ARHGAP10: variants seen among roughly 807,000 people sequenced by gnomAD.
ARHGAP10 encodes rho GTPase-activating protein 10.
ARHGAP10 carries 87 observed loss-of-function variants against 108.6 expected under a neutral mutation model. The observed-to-expected ratio is 0.80, with a 90% CI of 0.67 to 0.96. The LOEUF (loss-of-function observed/expected upper bound fraction) is 0.96. Among genes scored for constraint, ARHGAP10 ranks in the 40% least tolerant of loss-of-function variants. The probability of loss-of-function intolerance (pLI) is 0.00; values close to 1 mark genes in which losing one functional copy is unlikely to be tolerated. For synonymous variants in ARHGAP10, 347 were observed against 341.1 expected, an observed-to-expected ratio of 1.02 and a Z score of -0.19; for missense variants, 939 against 954.5, an observed-to-expected ratio of 0.98 and a Z score of 0.21.
intron 1 of ARHGAP10, among the ~76,000 whole-genome samples, chr4:147,768,969 T>C (rs2126715982): frequency 6.6e-6 from 1 of 152,076 alleles, no homozygotes; most frequent in Admixed American, 6.6e-5. Flanking sequence ...AACTCCTGAC[T>C]TCAAGTGATC....
At chr4:148,021,177 G>A (rs956124691) in intron 18 of ARHGAP10, among the ~76,000 whole-genome samples, 3 of 152,168 alleles carry the variant, frequency 2.0e-5, no homozygotes, top group African/African-American at 7.2e-5. Flanking sequence ...GGACTGAGGT[G>A]CTGGGAAGGA....
At chr4:148,051,534 G>T (rs1237438419) in intron 20 of ARHGAP10, among the ~76,000 whole-genome samples, 1 of 152,058 alleles carries the variant, frequency 6.6e-6, no homozygotes. Context: ...TTTTCTGCTG[G>T]CACATTCTCA....
rs576458450 is a variant in ARHGAP10, at chr4:147,742,157, A to G, written c.154+9702A>G. On this transcript the variant is annotated intron_variant, in intron 1 of 22. Coordinates refer to ENST00000336498, the MANE Select transcript of ARHGAP10 (RefSeq NM_024605.4). ...AATACAGGATGTGGAATGGTCTCTT[A>G]AAAAAAAAAATGAGTGCTTTCTTTT... Among the ~76,000 whole-genome samples the G allele has an allele frequency of 2.8e-5, 4 of 143,652 alleles. No individual in the cohort carries two copies. The South Asian group carries it at 8.8e-4, about 32-fold the overall frequency. 94.2% of individuals were successfully genotyped at this position (143,652 alleles called of 152,430 possible).
chr4:147,784,805 T>TATTATAAAATATATATTATA lies in ARHGAP10; in HGVS notation c.155-37921_155-37920insTTATAAAATATATATTATAA, dbSNP rs1323904773. Among the ~76,000 whole-genome samples the TATTATAAAATATATATTATA allele has an allele frequency of 9.6e-4, 7 of 7,254 alleles. 2 individuals carry two copies. Among genetic ancestry groups the TATTATAAAATATATATTATA allele is most frequent in the East Asian group, 0.02 (2 of 98 alleles). 4.8% of individuals were successfully genotyped at this position (7,254 alleles called of 152,430 possible). A position where few individuals can be genotyped will look rare whatever the true frequency, so the allele number is the denominator to read the frequency against. ...TATTATAAAATATATATTATAAATA[T>TATTATAAAATATATATTATA]AATATATTATAAAATATATATTATA... On this transcript the variant is annotated intron_variant, in intron 1 of 22. Coordinates refer to ENST00000336498, the MANE Select transcript of ARHGAP10 (RefSeq NM_024605.4).
At chr4:147,953,194 A>C (rs188752801) in intron 15 of ARHGAP10, among the ~76,000 whole-genome samples, 2 of 151,922 alleles carry the variant, frequency 1.3e-5, no homozygotes. Context: ...AGTTGCATCT[A>C]TGTTCATGAG....
At chr4:147,948,391 G>A (rs545167227) in intron 15 of ARHGAP10, among the ~76,000 whole-genome samples, 1 of 152,154 alleles carries the variant, frequency 6.6e-6, no homozygotes, top group East Asian at 1.9e-4. Context: ...TTTACCAACT[G>A]TCTTCAAAAA....
chr4:147,939,977 A>G (rs1223928588), intron 14 of ARHGAP10, 78 bp downstream of exon 14: 3 of 1,295,604 alleles, frequency 2.3e-6, no homozygotes, highest in East Asian at 2.3e-5. Flanking sequence ...ATTTCATAAT[A>G]ATGTAGAGAA....
chr4:147,946,449 A>G (rs1024665427), intron 14 of ARHGAP10, 168 bp from the exon 15 acceptor site: 1 of 541,472 alleles, frequency 1.8e-6, no homozygotes, highest in African/African-American at 1.9e-5. Context: ...GTGTCTAGTC[A>G]TAGAACATAG....
intron 7 of ARHGAP10, among the ~76,000 whole-genome samples, chr4:147,868,622 C>T (rs1282800397): frequency 6.6e-6 from 1 of 152,136 alleles, no homozygotes; most frequent in Non-Finnish European, 1.5e-5. Context: ...AAGTGGTCCC[C>T]AACCTTTTTG....
chr4:147,925,938 T>C (rs1737444365), intron 13 of ARHGAP10, among the ~76,000 whole-genome samples: 1 of 152,202 alleles, frequency 6.6e-6, no homozygotes, highest in African/African-American at 2.4e-5. Context: ...TCTTTTATAA[T>C]GGCCAGCAAG....
chr4:147,788,155 G>A (rs945633219), intron 1 of ARHGAP10, among the ~76,000 whole-genome samples: 9 of 151,542 alleles, frequency 5.9e-5, no homozygotes, highest in Admixed American at 3.3e-4. Flanking sequence ...TTTAAAAAGC[G>A]TTTCTGAAGG....
At chr4:147,884,487 A>T (rs185370212) in intron 10 of ARHGAP10, among the ~76,000 whole-genome samples, 1 of 152,222 alleles carries the variant, frequency 6.6e-6, no homozygotes, top group East Asian at 1.9e-4. Flanking sequence ...TTAAAGAGGC[A>T]TAGGGGCCTG....
intron 18 of ARHGAP10, among the ~76,000 whole-genome samples, chr4:148,000,422 A>G (rs1161032140): frequency 6.6e-6 from 1 of 152,150 alleles, no homozygotes; most frequent in Non-Finnish European, 1.5e-5. Flanking sequence ...ATGATTTATA[A>G]TCCTTTGTGT....
intron 15 of ARHGAP10, among the ~76,000 whole-genome samples, chr4:147,950,899 G>A (rs1390234912): frequency 6.6e-6 from 1 of 152,062 alleles, no homozygotes; most frequent in East Asian, 1.9e-4. Flanking sequence ...TTTTAAGCCT[G>A]GAAATTGTAA....
At chr4:147,927,663 A>C (rs915841627) in intron 13 of ARHGAP10, among the ~76,000 whole-genome samples, 4 of 152,044 alleles carry the variant, frequency 2.6e-5, no homozygotes, top group African/African-American at 9.7e-5. Flanking sequence ...TAGTCTCCCG[A>C]CTCTAAGCCA....
At chr4:148,069,235 G>C (rs1730044653) in intron 22 of ARHGAP10, among the ~76,000 whole-genome samples, 1 of 152,152 alleles carries the variant, frequency 6.6e-6, no homozygotes, top group African/African-American at 2.4e-5. Context: ...CCTGTGCTTG[G>C]GGATGCCTTG....
At chr4:147,905,825 G>A (rs995083409) in intron 10 of ARHGAP10, among the ~76,000 whole-genome samples, 8 of 151,792 alleles carry the variant, frequency 5.3e-5, no homozygotes, top group African/African-American at 1.7e-4. Flanking sequence ...ACCTTGGGCA[G>A]TATGGCCATT....
chr4:147,762,482 C>CA (rs955553685), intron 1 of ARHGAP10, among the ~76,000 whole-genome samples: 29 of 147,460 alleles, frequency 2.0e-4, no homozygotes, highest in East Asian at 1.6e-3. Flanking sequence ...GGTGAACTAG[C>CA]AAAAAAAAGA....
At chr4:147,806,784 C>T (rs1466517639) in intron 1 of ARHGAP10, among the ~76,000 whole-genome samples, 1 of 152,060 alleles carries the variant, frequency 6.6e-6, no homozygotes, top group Non-Finnish European at 1.5e-5. Flanking sequence ...TCACTACAAC[C>T]TTGAATTCTT....
Sources: gnomAD v4.1 joint callset for allele counts (sites outside exome capture counted in the v4.1 genomes callset) on GRCh38, gnomAD v4.1.1 for gene constraint, MANE v1.5 for transcripts, NCBI Gene and HGNC (gene_info 2026-07-23, HGNC 2026-07-21) for gene names.